The following ADORA2B variants were observed in gnomAD, a reference collection of about 807,000 sequenced individuals.
ADORA2B encodes adenosine receptor A2b.
A neutral mutation model predicts 20.8 loss-of-function variants in ADORA2B; 18 were observed. The ratio of observed to expected loss-of-function variants is 0.87; its 90% CI spans 0.60 to 1.29. The LOEUF is 1.29. Among genes scored for constraint, ADORA2B ranks in the 50% most tolerant of loss-of-function variants. The probability of loss-of-function intolerance (pLI) is 0.00; values close to 1 mark genes in which losing one functional copy is unlikely to be tolerated. For synonymous variants in ADORA2B, 179 were observed against 178.3 expected, an observed-to-expected ratio of 1.00 and a Z score of -0.03; for missense variants, 441 against 422.7, an observed-to-expected ratio of 1.04 and a Z score of -0.38.
At chr17:15,965,441 C>T (rs1212782683) in intron 1 of ADORA2B, among the ~76,000 whole-genome samples, 3 of 152,106 alleles carry the variant, frequency 2.0e-5, no homozygotes, top group Non-Finnish European at 4.4e-5. Context: ...GGTAGGTACA[C>T]GGGAGAGGTG....
chr17:15,964,797 C>T (rs948979829), intron 1 of ADORA2B, among the ~76,000 whole-genome samples: 8 of 151,364 alleles, frequency 5.3e-5, no homozygotes, highest in Non-Finnish European at 1.0e-4. Flanking sequence ...CGCGGTGGCT[C>T]ACGCCTGTAA....
At chr17:15,967,394 G>A (rs369926356) in intron 1 of ADORA2B, among the ~76,000 whole-genome samples, 19 of 152,076 alleles carry the variant, frequency 1.2e-4, no homozygotes, top group African/African-American at 4.1e-4. Context: ...CAACACACTC[G>A]GCTAATTTTT....
the ADORA2B span, among the ~76,000 whole-genome samples, chr17:15,853,974 A>G: frequency 1.3e-5 from 2 of 152,144 alleles, no homozygotes; most frequent in Admixed American, 6.5e-5. Flanking sequence ...TTTATTTTTG[A>G]GACGGAGTTT....
the ADORA2B span, among the ~76,000 whole-genome samples, chr17:15,931,281 C>G: frequency 2.0e-5 from 3 of 152,180 alleles, no homozygotes; most frequent in Non-Finnish European, 4.4e-5. Flanking sequence ...TGGCCTCTAC[C>G]AAGAGCCTAA....
chr17:15,866,853 T>C, the ADORA2B span, among the ~76,000 whole-genome samples: 1 of 152,242 alleles, frequency 6.6e-6, no homozygotes, highest in Admixed American at 6.5e-5. Context: ...TGGACTGTAC[T>C]GCTGCCATCT....
At chr17:15,923,197 C>CTTTCTTTT in the ADORA2B span, among the ~76,000 whole-genome samples, 4 of 90,334 alleles carry the variant, frequency 4.4e-5, no homozygotes, top group African/African-American at 1.6e-4. Context: ...TAATTTCTTT[C>CTTTCTTTT]TTTTTTTAAT....
the ADORA2B span, among the ~76,000 whole-genome samples, chr17:15,888,848 A>G: frequency 4.7e-3 from 60 of 12,654 alleles, 4 homozygotes; most frequent in Non-Finnish European, 5.1e-3. Flanking sequence ...ATATATATAT[A>G]TATTTTTTTT....
the ADORA2B span, among the ~76,000 whole-genome samples, chr17:15,865,301 G>A: frequency 6.6e-6 from 1 of 151,952 alleles, no homozygotes; most frequent in Non-Finnish European, 1.5e-5. Flanking sequence ...TCATTCTGTT[G>A]CCCAGGCTGG....
At chr17:15,972,337 G>T (rs966593296) in intron 1 of ADORA2B, among the ~76,000 whole-genome samples, 1 of 152,144 alleles carries the variant, frequency 6.6e-6, no homozygotes, top group African/African-American at 2.4e-5. Flanking sequence ...AAGTCTTCAG[G>T]TAATGTCAAT....
At chr17:15,926,132 C>T in the ADORA2B span, among the ~76,000 whole-genome samples, 2 of 152,080 alleles carry the variant, frequency 1.3e-5, no homozygotes, top group African/African-American at 2.4e-5. Context: ...TATTTACTTG[C>T]ACGCTTTCAG....
chr17:15,956,678 C>T (rs530885898), intron 1 of ADORA2B, among the ~76,000 whole-genome samples: 1 of 145,100 alleles, frequency 6.9e-6, no homozygotes, highest in East Asian at 2.1e-4. Flanking sequence ...TCACTGCAAC[C>T]TCTGCCTCCT....
the ADORA2B span, among the ~76,000 whole-genome samples, chr17:15,909,062 C>T: frequency 6.6e-6 from 1 of 152,010 alleles, no homozygotes; most frequent in African/African-American, 2.4e-5. Context: ...TGGTAGCGCT[C>T]ACACCTATAG....
chr17:15,868,119 G>A, the ADORA2B span, among the ~76,000 whole-genome samples: 564 of 144,204 alleles, frequency 3.9e-3, 5 homozygotes, highest in Non-Finnish European at 6.0e-3. Flanking sequence ...ACTCAGGGTT[G>A]AATGGATTAA....
the ADORA2B span, among the ~76,000 whole-genome samples, chr17:15,918,056 TGGTCCTGGGAGTCTGCGCTCGG>T: frequency 6.6e-6 from 1 of 152,220 alleles, no homozygotes; most frequent in African/African-American, 2.4e-5. Flanking sequence ...TGCTATCTCG[TGGTCCTGGGAGTCTGCGCTCGG>T]GGTGGCAGCG....
the ADORA2B span, among the ~76,000 whole-genome samples, chr17:15,931,470 C>T: frequency 6.6e-6 from 1 of 152,176 alleles, no homozygotes; most frequent in African/African-American, 2.4e-5. Flanking sequence ...GATCCACATG[C>T]AGATCTGGCC....
intron 1 of ADORA2B, among the ~76,000 whole-genome samples, chr17:15,971,044 C>G (rs1026427516): frequency 2.0e-5 from 3 of 152,206 alleles, no homozygotes; most frequent in Non-Finnish European, 1.5e-5. Flanking sequence ...ATCCACTAGA[C>G]CAATCATGAG....
the ADORA2B span, among the ~76,000 whole-genome samples, chr17:15,915,494 C>G: frequency 6.6e-6 from 1 of 152,140 alleles, no homozygotes; most frequent in Admixed American, 6.6e-5. Flanking sequence ...CTTTCTCCAC[C>G]CATTAACAAT....
the ADORA2B span, among the ~76,000 whole-genome samples, chr17:15,904,777 T>C: frequency 6.6e-6 from 1 of 152,252 alleles, no homozygotes; most frequent in South Asian, 2.1e-4. Context: ...TGTTGTTGCA[T>C]ATGGGCATCC....
chr17:15,855,260 A>G, the ADORA2B span, among the ~76,000 whole-genome samples: 1 of 151,994 alleles, frequency 6.6e-6, no homozygotes, highest in Non-Finnish European at 1.5e-5. Flanking sequence ...CCCCCCAACA[A>G]TCCTCTGGGG....
Sources: allele counts gnomAD v4.1 joint callset (sites outside exome capture counted in the v4.1 genomes callset), GRCh38; gene constraint gnomAD v4.1.1; transcripts MANE v1.5; gene names NCBI Gene and HGNC (gene_info 2026-07-23, HGNC 2026-07-21).